Variants in CCDC88A observed in about 807,000 individuals in gnomAD.
CCDC88A encodes girdin.
CCDC88A carries 54 observed loss-of-function variants against 234.3 expected under a neutral mutation model. The observed-to-expected ratio is 0.23, with a 90% CI of 0.19 to 0.29. The LOEUF is 0.29. Ranked by LOEUF, CCDC88A falls within the 10% of genes least tolerant of loss-of-function variation. CCDC88A has a pLI of 1.00. For synonymous variants in CCDC88A, 753 were observed against 737.8 expected, an observed-to-expected ratio of 1.02 and a Z score of -0.33; for missense variants, 1,832 against 2,123.4, an observed-to-expected ratio of 0.86 and a Z score of 2.70.
At position 55,309,301 on chromosome 2, in the gene CCDC88A, A is replaced by C. The variant is rs757519917; in HGVS notation, c.4080-47T>G. 1 of 825,290 alleles carries C rather than the reference A, an allele frequency of 1.2e-6. No homozygotes were observed. The highest frequency in any genetic ancestry group is 1.6e-5 in the South Asian group (1 of 63,284). 51.1% of individuals were successfully genotyped at this position (825,290 alleles called of 1,614,324 possible). The stretch of plus-strand genomic sequence containing the variant: ...TTAGGACAGGCATCATATTTTGTAC[A>C]GCTATGAATATTAAATTATTTGGTG... On this transcript the variant is annotated intron_variant, in intron 23 of 32. Coordinates refer to ENST00000436346, the MANE Select transcript of CCDC88A (RefSeq NM_001365480.1). This position sits in a 1 kb window ranked among gnomAD's most constrained non-coding sequence, Gnocchi z 5.1.
chr2:55,296,574 T>C, intron 29 of CCDC88A, 51 bp from the exon 30 acceptor site: 2 of 1,536,250 alleles, frequency 1.3e-6, no homozygotes, highest in East Asian at 2.3e-5. Flanking sequence ...TTGAGATTAA[T>C]ACTTCATGAG....
chr2:55,385,100 C>T (rs540373212), intron 3 of CCDC88A, among the ~76,000 whole-genome samples: 1 of 152,192 alleles, frequency 6.6e-6, no homozygotes, highest in Admixed American at 6.5e-5. Flanking sequence ...TTAAAACACA[C>T]ACATATCACT....
At chr2:55,297,329 A>T (rs1277516332) in intron 29 of CCDC88A, among the ~76,000 whole-genome samples, 1 of 15,366 alleles carries the variant, frequency 6.5e-5, no homozygotes, top group African/African-American at 1.2e-4. Flanking sequence ...TATAATATAT[A>T]ATATATAAAT....
chr2:55,357,222 CCACATCTTATG>C (rs199749155), intron 7 of CCDC88A, among the ~76,000 whole-genome samples: 2,356 of 152,310 alleles, frequency 0.015, 66 homozygotes, highest in African/African-American at 0.053. Context: ...CAGTCTAACT[CCACATCTTATG>C]CTCTAATAGT....
intron 3 of CCDC88A, among the ~76,000 whole-genome samples, chr2:55,378,400 T>C (rs1406962384): frequency 1.3e-5 from 2 of 152,218 alleles, no homozygotes; most frequent in Admixed American, 1.3e-4. Flanking sequence ...TACTCTAGTA[T>C]AGTAGAATCT....
chr2:55,327,639 T>A (rs920220841), intron 17 of CCDC88A, among the ~76,000 whole-genome samples: 1 of 152,204 alleles, frequency 6.6e-6, no homozygotes. Flanking sequence ...TTAGTTAACC[T>A]TGAGACCACT....
At chr2:55,351,104 CT>C (rs1339002270) in intron 8 of CCDC88A, among the ~76,000 whole-genome samples, 1 of 152,042 alleles carries the variant, frequency 6.6e-6, no homozygotes, top group Non-Finnish European at 1.5e-5. Context: ...GGATAGTTTT[CT>C]TTTTCTTTTC....
intron 9 of CCDC88A, chr2:55,348,858 A>T (rs1163623451): frequency 6.6e-6 from 1 of 152,200 alleles, no homozygotes; most frequent in Non-Finnish European, 1.5e-5. Flanking sequence ...CCAGTTTATG[A>T]TCCTACAATT....
At chr2:55,402,782 G>T (rs570778901) in intron 2 of CCDC88A, among the ~76,000 whole-genome samples, 1 of 151,844 alleles carries the variant, frequency 6.6e-6, no homozygotes, top group Non-Finnish European at 1.5e-5. Flanking sequence ...GGCCAAGGCA[G>T]GCGGATCACA....
chr2:55,361,640 T>C (rs1397472123), intron 7 of CCDC88A, among the ~76,000 whole-genome samples: 1 of 152,216 alleles, frequency 6.6e-6, no homozygotes, highest in Non-Finnish European at 1.5e-5. Context: ...AAAAGCTATA[T>C]ATTCTGCAGA....
At chr2:55,393,986 T>TCTCC (rs1677110418) in intron 2 of CCDC88A, among the ~76,000 whole-genome samples, 1 of 152,070 alleles carries the variant, frequency 6.6e-6, no homozygotes, top group South Asian at 2.1e-4. Context: ...TTGAAGGCAG[T>TCTCC]CTCCCTCTGT....
chr2:55,317,641 T>C lies in CCDC88A; in HGVS notation c.3525A>G (p.Glu1175=), dbSNP rs1319485972. The change falls in exon 20 of 33, where the codon GAA becomes GAG. Residue 1175 remains glutamate (E), a synonymous_variant. Coordinates refer to ENST00000436346, the MANE Select transcript of CCDC88A (RefSeq NM_001365480.1). This position sits in a 1 kb window ranked among gnomAD's most constrained non-coding sequence, Gnocchi z 4.2. ...GAGTTCCATGTTTAGAGATAAGAGA[T>C]TCATACTCTGAAGCCTGACGTTCAT... is the stretch of plus-strand genomic sequence containing the variant. ...LLHERQASEY[E]SLISKHGTLK... The C allele has an allele frequency of 1.9e-6, 3 of 1,612,622 alleles. No individual in the cohort carries two copies.
intron 2 of CCDC88A, among the ~76,000 whole-genome samples, chr2:55,412,478 T>G (rs2903514): frequency 0.86 from 131,426 of 152,156 alleles, 57,154 homozygotes; most frequent in Admixed American, 0.93. Flanking sequence ...CTGCCTCCTG[T>G]CAGATCAACA....
intron 23 of CCDC88A, among the ~76,000 whole-genome samples, chr2:55,312,068 C>A (rs748289717): frequency 1.3e-5 from 2 of 152,286 alleles, no homozygotes; most frequent in South Asian, 4.1e-4. Context: ...AAATTCCTAT[C>A]GAACCTATAA....
intron 14 of CCDC88A, 121 bp downstream of exon 14, chr2:55,336,559 TA>T (rs1238548338): frequency 1.5e-5 from 9 of 600,636 alleles, no homozygotes; most frequent in African/African-American, 3.9e-5. Flanking sequence ...TACTTTAAAA[TA>T]AAAAAATTCT....
chr2:55,371,566 G>A (rs1177659353), intron 5 of CCDC88A, among the ~76,000 whole-genome samples: 1 of 152,112 alleles, frequency 6.6e-6, no homozygotes, highest in Non-Finnish European at 1.5e-5. Context: ...TGGACTACTA[G>A]CAATATGACC....
chr2:55,293,791 G>C (rs1337737331), intron 31 of CCDC88A: 6 of 151,980 alleles, frequency 3.9e-5, no homozygotes, highest in Non-Finnish European at 8.8e-5. Context: ...CAGGGTTATG[G>C]GTTTTTTTGT....
At chr2:55,337,316 G>A (rs1047063673) in intron 13 of CCDC88A, 2 of 151,912 alleles carry the variant, frequency 1.3e-5, no homozygotes, top group African/African-American at 4.8e-5. Flanking sequence ...CATAAAAAAG[G>A]GCTAATATTT....
chr2:55,323,408 T>C (rs1683871895), intron 17 of CCDC88A: 2 of 152,322 alleles, frequency 1.3e-5, no homozygotes, highest in South Asian at 4.1e-4. Context: ...AGAAAGCCTA[T>C]GACTCAACAA....
Sources: gnomAD v4.1 joint callset for allele counts (sites outside exome capture counted in the v4.1 genomes callset) on GRCh38, gnomAD v4.1.1 for gene constraint, Gnocchi (gnomAD v3.1) non-coding constraint, MANE v1.5 for transcripts, NCBI Gene and HGNC (gene_info 2026-07-23, HGNC 2026-07-21) for gene names.